Variants in EEF1AKMT2 observed in about 807,000 individuals in gnomAD.
EEF1AKMT2 encodes EEF1A lysine methyltransferase 2, also known as eukaryotic translation elongation factor 1 alpha lysine methyltransferase 2.
EEF1AKMT2 carries 32 observed loss-of-function variants against 35.8 expected under a neutral mutation model. The ratio of observed to expected loss-of-function variants is 0.89; its 90% CI spans 0.67 to 1.20. The LOEUF is 1.20. Among genes scored for constraint, EEF1AKMT2 ranks in the 50% most tolerant of loss-of-function variants. EEF1AKMT2 has a pLI of 0.00. For synonymous variants in EEF1AKMT2, 121 were observed against 133.7 expected (o/e 0.91, Z 0.65); for missense variants, 330 against 347.5 (o/e 0.95, Z 0.40).
intron 1 of EEF1AKMT2, among the ~76,000 whole-genome samples, chr10:124,791,033 G>A (rs1314999296): frequency 6.6e-6 from 1 of 151,954 alleles, no homozygotes. Flanking sequence ...AAAGTGCTGG[G>A]ATTACAGGCG....
chr10:124,785,996 C>T (rs1950581079), intron 3 of EEF1AKMT2, among the ~76,000 whole-genome samples: 1 of 150,552 alleles, frequency 6.6e-6, no homozygotes, highest in African/African-American at 2.4e-5. Context: ...CAAATTAAAA[C>T]CGTAAGAAGC....
intron 4 of EEF1AKMT2, among the ~76,000 whole-genome samples, chr10:124,770,406 A>C (rs962054774): frequency 6.6e-6 from 1 of 152,202 alleles, no homozygotes; most frequent in Non-Finnish European, 1.5e-5. Context: ...TGACAGAGCA[A>C]GACTCCATCC....
At chr10:124,789,339 G>T (rs1021432751) in intron 2 of EEF1AKMT2, among the ~76,000 whole-genome samples, 182 bp from the exon 3 acceptor site, 1 of 152,198 alleles carries the variant, frequency 6.6e-6, no homozygotes, top group Non-Finnish European at 1.5e-5. Context: ...CAACAGAATA[G>T]ACAAGGTCAG....
chr10:124,784,927 T>C (rs1950571533), intron 3 of EEF1AKMT2, among the ~76,000 whole-genome samples: 1 of 96,608 alleles, frequency 1.0e-5, no homozygotes, highest in East Asian at 2.9e-4. Context: ...CAAGATTCCA[T>C]CTTAAAAAAA....
chr10:124,778,661 T>C (rs1312751145), intron 3 of EEF1AKMT2, among the ~76,000 whole-genome samples: 2 of 150,342 alleles, frequency 1.3e-5, no homozygotes, highest in Non-Finnish European at 3.0e-5. Flanking sequence ...GAAGCAGAGG[T>C]TGCAGTGAGC....
At chr10:124,769,519 C>T (rs945479866) in intron 4 of EEF1AKMT2, among the ~76,000 whole-genome samples, 6 of 151,978 alleles carry the variant, frequency 3.9e-5, no homozygotes, top group Non-Finnish European at 8.8e-5. Flanking sequence ...AGTTCTGTTC[C>T]AGACCAACAC....
In EEF1AKMT2 at chr10:124,762,414, G is replaced by A. The variant is rs1002165525; in HGVS notation, c.761C>T (p.Thr254Met). The A allele has an allele frequency of 7.7e-6, 10 of 1,298,082 alleles. No individual in the cohort carries two copies. Among genetic ancestry groups the A allele is most frequent in the Admixed American group, 4.6e-5 (2 of 43,354 alleles). 80.4% of individuals were successfully genotyped at this position (1,298,082 alleles called of 1,614,324 possible). The change falls in exon 6 of 7, where the codon ACG (threonine) becomes ATG (methionine). Residue 254 changes from threonine (T) to methionine (M), a missense_variant. Thr to Met is a moderately conservative substitution (Grantham distance 81). Coordinates refer to ENST00000368836, the MANE Select transcript of EEF1AKMT2 (RefSeq NM_212554.4). ...AWIIFVFLAE[T>M]RFCHVVQAGL... Reference sequence around the variant, plus strand: ...AGCCTGGACAACATGGCAAAACCTCGTCTCTGCTAAAAATACAAAAATTAT... The same window carrying A: ...AGCCTGGACAACATGGCAAAACCTCATCTCTGCTAAAAATACAAAAATTAT...
chr10:124,789,030 T>C lies in EEF1AKMT2; in HGVS notation c.291+13A>G. ...AAATTTGTCTTTAACAAACAAATAC[T>C]AAAAGTACCAACAAGTTCAACCAGG... On this transcript the variant is annotated intron_variant, in intron 3 of 6. Transcript: ENST00000368836. The C allele has an allele frequency of 6.3e-7, 1 of 1,595,294 alleles. No individual in the cohort carries two copies. The highest frequency in any genetic ancestry group is 8.6e-7 in the Non-Finnish European group (1 of 1,167,710).
chr10:124,790,227 T>C (rs1191596506), intron 2 of EEF1AKMT2, 46 bp downstream of exon 2: 5 of 1,380,710 alleles, frequency 3.6e-6, no homozygotes, highest in East Asian at 4.6e-5. Flanking sequence ...CACACACATA[T>C]ACATATAATC....
chr10:124,783,035 T>C (rs1173330067), intron 3 of EEF1AKMT2: 4 of 381,184 alleles, frequency 1.0e-5, no homozygotes, highest in Non-Finnish European at 2.0e-5. Context: ...CAATATAACA[T>C]GTAAAAACTA....
chr10:124,781,704 G>A, intron 3 of EEF1AKMT2, among the ~76,000 whole-genome samples: 1 of 131,364 alleles, frequency 7.6e-6, no homozygotes, highest in South Asian at 2.4e-4. Flanking sequence ...TTTGTTGCAA[G>A]AAAACCCTCT....
intron 3 of EEF1AKMT2, among the ~76,000 whole-genome samples, chr10:124,787,433 CAAA>C (rs398015024): frequency 5.3e-5 from 2 of 37,434 alleles, no homozygotes; most frequent in Non-Finnish European, 8.5e-5. Context: ...GACTCTGTCT[CAAA>C]AAAAAAAAAA....
At chr10:124,783,971 T>G (rs983270822) in intron 3 of EEF1AKMT2, among the ~76,000 whole-genome samples, 4 of 152,152 alleles carry the variant, frequency 2.6e-5, no homozygotes, top group Non-Finnish European at 4.4e-5. Context: ...ATTACAGGCA[T>G]GCACCACCAC....
intron 3 of EEF1AKMT2, among the ~76,000 whole-genome samples, chr10:124,776,934 T>C (rs1950492427): frequency 6.6e-6 from 1 of 151,852 alleles, no homozygotes; most frequent in South Asian, 2.1e-4. Flanking sequence ...ATATCCCTGT[T>C]ATACACAGAA....
At chr10:124,777,698 T>A (rs148798688) in intron 3 of EEF1AKMT2, among the ~76,000 whole-genome samples, 1 of 151,760 alleles carries the variant, frequency 6.6e-6, no homozygotes, top group Non-Finnish European at 1.5e-5. Context: ...TGTTTTTTTG[T>A]TTTTTGTTTT....
chr10:124,777,955 C>A (rs746785000), intron 3 of EEF1AKMT2, among the ~76,000 whole-genome samples: 4 of 151,890 alleles, frequency 2.6e-5, no homozygotes, highest in Admixed American at 1.3e-4. Flanking sequence ...TATATACATA[C>A]ACACACACAC....
At chr10:124,765,688 TA>T in intron 4 of EEF1AKMT2, 80 bp from the exon 5 acceptor site, 1 of 1,064,960 alleles carries the variant, frequency 9.4e-7, no homozygotes, top group Non-Finnish European at 1.4e-6. Flanking sequence ...TGTAAAAGGT[TA>T]TTAATAAAAG....
intron 4 of EEF1AKMT2, among the ~76,000 whole-genome samples, chr10:124,773,896 A>G (rs889371740): frequency 6.6e-6 from 1 of 152,184 alleles, no homozygotes; most frequent in Non-Finnish European, 1.5e-5. Flanking sequence ...TTGATTTGTC[A>G]AAAAACATAC....
rs1247681167 is a variant in EEF1AKMT2 at position 124,762,343 on chromosome 10, T to C, written c.832A>G (p.Lys278Glu). 8.0e-7 allele frequency: 1 copy of C among 1,245,166 alleles called. No homozygotes were observed. The highest frequency in any genetic ancestry group is 1.1e-6 in the Non-Finnish European group (1 of 947,608). The allele number at this position is 1,245,166 out of a possible 1,614,324, so 77.1% of individuals were successfully genotyped here. The stretch of plus-strand genomic sequence containing the variant: ...CTGGCATGGTATAATCCCAGCACTT[T>C]GGGAGGCCAGGTGGGAGAATCACTT... The part of the protein sequence containing the change: ...GSSDSPTWPP[K>E]VLGLYHARPS... Residue 278 changes from lysine (K) to glutamate (E), a missense_variant, in exon 6 of 7, where the codon AAA becomes GAA. Lys to Glu is a moderately conservative substitution (Grantham distance 56). Coordinates refer to ENST00000368836, the MANE Select transcript of EEF1AKMT2 (RefSeq NM_212554.4).
Sources: gnomAD v4.1 joint callset for allele counts (sites outside exome capture counted in the v4.1 genomes callset) on GRCh38, gnomAD v4.1.1 for gene constraint, MANE v1.5 for transcripts, NCBI Gene and HGNC (gene_info 2026-07-23, HGNC 2026-07-21) for gene names.